The following SCD5 variants were observed in gnomAD, a reference collection of about 807,000 sequenced individuals.
SCD5 encodes the protein acyl-CoA-desaturase 4.
A neutral mutation model predicts 30.4 loss-of-function variants in SCD5; 20 were observed. The ratio of observed to expected loss-of-function variants is 0.66; its 90% CI spans 0.46 to 0.96. The LOEUF is 0.96. SCD5 is among the 40% of genes least tolerant of loss of function. The probability of loss-of-function intolerance (pLI) is 0.00; values close to 1 mark genes in which losing one functional copy is unlikely to be tolerated. For synonymous variants in SCD5, 173 were observed against 176.4 expected, an observed-to-expected ratio of 0.98 and a Z score of 0.16; for missense variants, 381 against 443.3, an observed-to-expected ratio of 0.86 and a Z score of 1.26.
intron 1 of SCD5, among the ~76,000 whole-genome samples, chr4:82,734,337 G>C (rs1361170486): frequency 1.3e-5 from 2 of 152,160 alleles, no homozygotes; most frequent in African/African-American, 4.8e-5. Flanking sequence ...AGTAGGTAAA[G>C]CTCTGTCATC....
At chr4:82,659,626 G>A (rs1212300532) in intron 3 of SCD5, among the ~76,000 whole-genome samples, 3 of 152,096 alleles carry the variant, frequency 2.0e-5, no homozygotes, top group Admixed American at 2.0e-4. Flanking sequence ...TCAGTTTCCA[G>A]GTGGTTGTGC....
At chr4:82,691,276 T>C (rs1168507671) in intron 2 of SCD5, among the ~76,000 whole-genome samples, 1 of 152,200 alleles carries the variant, frequency 6.6e-6, no homozygotes, top group African/African-American at 2.4e-5. Flanking sequence ...TCCACCTGCC[T>C]TGGCTTCCCC....
chr4:82,797,637 C>T (rs1301284727), intron 1 of SCD5, among the ~76,000 whole-genome samples: 2 of 152,098 alleles, frequency 1.3e-5, no homozygotes, highest in Admixed American at 6.5e-5. Context: ...TAGGGTCAGA[C>T]CGCTCTCGCC....
intron 1 of SCD5, among the ~76,000 whole-genome samples, chr4:82,723,098 G>C (rs955185709): frequency 2.0e-4 from 23 of 117,380 alleles, no homozygotes; most frequent in African/African-American, 7.4e-4. Flanking sequence ...AAAAAAAAAA[G>C]GATTCTCTCC....
intron 1 of SCD5, among the ~76,000 whole-genome samples, chr4:82,789,127 G>A (rs1403429927): frequency 6.6e-6 from 1 of 152,060 alleles, no homozygotes; most frequent in African/African-American, 2.4e-5. Context: ...TAGACAAGCT[G>A]GATTCCCAAG....
intron 1 of SCD5, among the ~76,000 whole-genome samples, chr4:82,730,636 A>G (rs1351419959): frequency 7.9e-6 from 1 of 125,962 alleles, no homozygotes; most frequent in Non-Finnish European, 1.6e-5. Context: ...CCCAGGCTGG[A>G]GTGCAGTGGC....
intron 2 of SCD5, among the ~76,000 whole-genome samples, chr4:82,688,269 C>T (rs559645735): frequency 1.1e-4 from 17 of 152,116 alleles, no homozygotes; most frequent in African/African-American, 2.9e-4. Context: ...AGAAAATATG[C>T]GTGTGCATGC....
intron 3 of SCD5, among the ~76,000 whole-genome samples, chr4:82,659,731 A>C (rs1285384960): frequency 2.6e-5 from 4 of 152,136 alleles, no homozygotes; most frequent in African/African-American, 9.7e-5. Flanking sequence ...TTTGCTGAGG[A>C]GTGTTTTACT....
chr4:82,765,225 T>G (rs557909656), intron 1 of SCD5, among the ~76,000 whole-genome samples: 2 of 152,332 alleles, frequency 1.3e-5, no homozygotes, highest in South Asian at 2.1e-4. Flanking sequence ...GAAAAGGATT[T>G]TATCCTCAGT....
At chr4:82,753,419 C>T (rs748104420) in intron 1 of SCD5, 2 of 530,170 alleles carry the variant, frequency 3.8e-6, no homozygotes, top group East Asian at 5.5e-5. Flanking sequence ...AAGCCAGTGG[C>T]AGGGCTGAAT....
chr4:82,744,101 C>T (rs556145493), intron 1 of SCD5, among the ~76,000 whole-genome samples: 1 of 152,322 alleles, frequency 6.6e-6, no homozygotes, highest in East Asian at 1.9e-4. Flanking sequence ...GCTGGGATTA[C>T]AGGTGTGAGC....
intron 3 of SCD5, among the ~76,000 whole-genome samples, chr4:82,656,285 G>T (rs1727866365): frequency 6.6e-6 from 1 of 152,028 alleles, no homozygotes; most frequent in African/African-American, 2.4e-5. Context: ...CAGGGTGTGT[G>T]ATGTTCCCTT....
chr4:82,727,769 G>A (rs534598761), intron 1 of SCD5, among the ~76,000 whole-genome samples: 5 of 152,110 alleles, frequency 3.3e-5, no homozygotes, highest in South Asian at 2.1e-4. Flanking sequence ...TGCAGTGACC[G>A]CGATCTCGGT....
chr4:82,644,006 A>G (rs1430111661), intron 3 of SCD5, among the ~76,000 whole-genome samples: 2 of 152,206 alleles, frequency 1.3e-5, no homozygotes, highest in Non-Finnish European at 2.9e-5. Context: ...AGGATGTCCT[A>G]TTGTTGAAGC....
chr4:82,789,270 G>C (rs1352232522), intron 1 of SCD5, among the ~76,000 whole-genome samples: 2 of 152,184 alleles, frequency 1.3e-5, no homozygotes, highest in African/African-American at 2.4e-5. Flanking sequence ...GTTGACAAGA[G>C]AAGCAGGATC....
chr4:82,778,339 G>A (rs1328546579), intron 1 of SCD5, among the ~76,000 whole-genome samples: 1 of 152,104 alleles, frequency 6.6e-6, no homozygotes, highest in Non-Finnish European at 1.5e-5. Flanking sequence ...GCCCAAGGAG[G>A]GTGCTCGTAC....
intron 1 of SCD5, among the ~76,000 whole-genome samples, chr4:82,789,869 G>A (rs930380452): frequency 2.0e-5 from 3 of 152,204 alleles, no homozygotes; most frequent in African/African-American, 7.2e-5. Flanking sequence ...AAAGAGTACA[G>A]GTCAAAGGAA....
At position 82,747,074 on chromosome 4, in the gene SCD5, C is replaced by CCT. The variant is rs796695522; in HGVS notation, c.233-41662_233-41661insAG. Among the ~76,000 whole-genome samples the CCT allele has an allele frequency of 5.4e-4, 80 of 149,178 alleles. 1 individual carries two copies. Among genetic ancestry groups the CCT allele is most frequent in the African/African-American group, 1.8e-3 (75 of 41,350 alleles). ...GAGAAAAGTCTGGGCAACCTGCCCC[C>CCT]CAAGAAAGACGACCTTCCCACTCCA... On this transcript the variant is annotated intron_variant, in intron 1 of 4. Transcript: ENST00000319540.
intron 1 of SCD5, among the ~76,000 whole-genome samples, chr4:82,755,384 C>T (rs1721213795): frequency 6.6e-6 from 1 of 152,142 alleles, no homozygotes; most frequent in Admixed American, 6.5e-5. Flanking sequence ...CCTGTAATTC[C>T]AGCTACTTGG....
Sources: allele counts gnomAD v4.1 joint callset (sites outside exome capture counted in the v4.1 genomes callset), GRCh38; gene constraint gnomAD v4.1.1; transcripts MANE v1.5; gene names NCBI Gene and HGNC (gene_info 2026-07-23, HGNC 2026-07-21).